The following PALM2AKAP2 variants were observed in gnomAD, a reference collection of about 807,000 sequenced individuals.
PALM2AKAP2 encodes the protein PALM2-AKAP2 fusion protein.
In PALM2AKAP2, 37 loss-of-function variants were observed where a neutral mutation model predicts 71.5. The ratio of observed to expected loss-of-function variants is 0.52; its 90% CI spans 0.40 to 0.68. The LOEUF is 0.68. Among genes scored for constraint, PALM2AKAP2 ranks in the 30% least tolerant of loss-of-function variants. PALM2AKAP2 has a pLI of 0.00. For synonymous variants in PALM2AKAP2, 468 were observed against 478.8 expected, an observed-to-expected ratio of 0.98 and a Z score of 0.29; for missense variants, 1,224 against 1,191.8, an observed-to-expected ratio of 1.03 and a Z score of -0.40.
At chr9:109,789,052 G>A (rs1175935065) in intron 1 of PALM2AKAP2, among the ~76,000 whole-genome samples, 2 of 152,178 alleles carry the variant, frequency 1.3e-5, no homozygotes, top group Non-Finnish European at 2.9e-5. Flanking sequence ...TGACAACACC[G>A]GTTTGGAAGG....
At chr9:109,874,556 C>T (rs1829677039) in intron 2 of PALM2AKAP2, among the ~76,000 whole-genome samples, 1 of 152,146 alleles carries the variant, frequency 6.6e-6, no homozygotes, top group African/African-American at 2.4e-5. Flanking sequence ...CCATCATCAC[C>T]CAGTACTATG....
chr9:110,081,969 C>A (rs1211507285), intron 1 of PALM2AKAP2, among the ~76,000 whole-genome samples: 1 of 152,126 alleles, frequency 6.6e-6, no homozygotes, highest in Non-Finnish European at 1.5e-5. Flanking sequence ...TGATTTCAAC[C>A]TTTTAATGTG....
intron 6 of PALM2AKAP2, among the ~76,000 whole-genome samples, chr9:109,967,550 C>T (rs1831977677): frequency 6.6e-6 from 1 of 152,098 alleles, no homozygotes; most frequent in African/African-American, 2.4e-5. Context: ...GCTGTGACTA[C>T]AGGCAGGCGC....
At chr9:110,117,270 C>G (rs983466270) in intron 1 of PALM2AKAP2, among the ~76,000 whole-genome samples, 1 of 152,120 alleles carries the variant, frequency 6.6e-6, no homozygotes, top group East Asian at 1.9e-4. Context: ...TAGGTTCATG[C>G]CACCATGCCC....
At chr9:109,997,000 C>T (rs1006883886) in intron 6 of PALM2AKAP2, among the ~76,000 whole-genome samples, 1 of 152,068 alleles carries the variant, frequency 6.6e-6, no homozygotes, top group African/African-American at 2.4e-5. Flanking sequence ...ACCAGCCTGG[C>T]GAACGTGGTG....
chr9:110,107,762 T>G (rs1270022408), intron 1 of PALM2AKAP2, among the ~76,000 whole-genome samples: 1 of 152,124 alleles, frequency 6.6e-6, no homozygotes, highest in African/African-American at 2.4e-5. Flanking sequence ...AGACGAGGTT[T>G]CACCATGTTA....
chr9:109,649,000 C>G (rs1418969158), intron 1 of PALM2AKAP2, among the ~76,000 whole-genome samples: 2 of 152,084 alleles, frequency 1.3e-5, no homozygotes, highest in East Asian at 3.9e-4. Flanking sequence ...AGGTCTGAGG[C>G]TAGACTATTT....
At chr9:109,896,455 A>G (rs1830205542) in intron 3 of PALM2AKAP2, among the ~76,000 whole-genome samples, 1 of 152,116 alleles carries the variant, frequency 6.6e-6, no homozygotes, top group Admixed American at 6.5e-5. Flanking sequence ...ATTTTAAGGA[A>G]GGTGGCACTT....
chr9:110,025,718 A>T (rs1377564574), intron 7 of PALM2AKAP2, among the ~76,000 whole-genome samples: 1 of 152,124 alleles, frequency 6.6e-6, no homozygotes, highest in East Asian at 1.9e-4. Context: ...CCATCTTTTG[A>T]TTATAACCAT....
At chr9:110,167,471 A>G (rs1256037477) in intron 3 of PALM2AKAP2, among the ~76,000 whole-genome samples, 1 of 77,040 alleles carries the variant, frequency 1.3e-5, no homozygotes, top group Non-Finnish European at 2.5e-5. Flanking sequence ...ATTAATCTGG[A>G]ATCTCTTCTT....
intron 1 of PALM2AKAP2, among the ~76,000 whole-genome samples, chr9:110,088,128 A>G (rs779230804): frequency 1.3e-5 from 2 of 152,238 alleles, no homozygotes; most frequent in Non-Finnish European, 2.9e-5. Context: ...ATGAAAGCAC[A>G]CACCACAAGG....
rs918991156 is a variant in PALM2AKAP2 at position 109,703,652 on chromosome 9, A to C, written c.5+62786A>C. Among the ~76,000 whole-genome samples the C allele has an allele frequency of 9.0e-4, 137 of 152,038 alleles. 2 individuals carry two copies. The highest frequency in any genetic ancestry group is 2.5e-4 in the Non-Finnish European group (17 of 68,012). On this transcript the variant is annotated intron_variant, in intron 1 of 6. Transcript: ENST00000374531. ...CGAGAATAACTGCTTATTTATGAAA[A>C]TCAGAAATAAACCCATTCTCTAAAA...
intron 5 of PALM2AKAP2, among the ~76,000 whole-genome samples, chr9:109,928,670 G>A (rs1049969761): frequency 4.9e-5 from 7 of 144,310 alleles, no homozygotes; most frequent in South Asian, 2.3e-4. Flanking sequence ...TCTTTCTCTC[G>A]CTCTCTTTTT....
chr9:109,786,257 CA>C (rs140653079), intron 1 of PALM2AKAP2, among the ~76,000 whole-genome samples: 2,364 of 152,302 alleles, frequency 0.016, 65 homozygotes, highest in African/African-American at 0.054. Flanking sequence ...ACAGCATGGG[CA>C]AAAAGTCCTT....
intron 1 of PALM2AKAP2, among the ~76,000 whole-genome samples, chr9:109,755,231 G>T (rs914788923): frequency 2.0e-5 from 3 of 151,980 alleles, no homozygotes; most frequent in African/African-American, 7.3e-5. Context: ...TCCTCCAACA[G>T]CTTCTCATTC....
chr9:109,709,627 G>A (rs1828196768), intron 1 of PALM2AKAP2, among the ~76,000 whole-genome samples: 1 of 152,156 alleles, frequency 6.6e-6, no homozygotes, highest in African/African-American at 2.4e-5. Flanking sequence ...CAGGAGCTGA[G>A]GAGGCTGTCA....
intron 1 of PALM2AKAP2, among the ~76,000 whole-genome samples, chr9:109,784,665 T>C (rs1294368047): frequency 1.3e-5 from 2 of 152,068 alleles, no homozygotes; most frequent in Admixed American, 1.3e-4. Context: ...GGTGAGGAGG[T>C]TCTAGAACTG....
intron 7 of PALM2AKAP2, among the ~76,000 whole-genome samples, chr9:110,020,481 A>G (rs1171379312): frequency 2.6e-5 from 4 of 152,168 alleles, no homozygotes; most frequent in East Asian, 1.9e-4. Flanking sequence ...TCAGGAGTTC[A>G]AGACCAGCCT....
At chr9:110,006,096 A>G (rs976100310) in intron 6 of PALM2AKAP2, among the ~76,000 whole-genome samples, 1 of 152,222 alleles carries the variant, frequency 6.6e-6, no homozygotes, top group African/African-American at 2.4e-5. Flanking sequence ...AAATGCAGAA[A>G]TCGTTTGTCT....
Sources: allele counts gnomAD v4.1 joint callset (sites outside exome capture counted in the v4.1 genomes callset), GRCh38; gene constraint gnomAD v4.1.1; transcripts MANE v1.5; gene names NCBI Gene and HGNC (gene_info 2026-07-23, HGNC 2026-07-21).